PKMYT1: variants seen among roughly 807,000 people sequenced by gnomAD.
The protein encoded by PKMYT1 is protein kinase, membrane associated tyrosine/threonine 1.
Under a neutral mutation model 49.7 loss-of-function variants are expected in PKMYT1, and 35 were observed. The ratio of observed to expected loss-of-function variants is 0.70; its 90% CI spans 0.54 to 0.93. The LOEUF (loss-of-function observed/expected upper bound fraction) is 0.93, where lower values mean the gene tolerates loss of function less well. Among genes scored for constraint, PKMYT1 ranks in the 40% least tolerant of loss-of-function variants. The pLI is 0.00. For synonymous variants in PKMYT1, 331 were observed against 287.6 expected (o/e 1.15, Z -1.53); for missense variants, 677 against 673.1 (o/e 1.01, Z -0.06).
intron 2 of PKMYT1, chr16:2,977,554 A>T: frequency 8.9e-6 from 8 of 900,288 alleles, no homozygotes; most frequent in Non-Finnish European, 1.1e-5. Flanking sequence ...CCCCTGCCCC[A>T]GTGAAACAGC....
At position 2,975,491 on chromosome 16, in the gene PKMYT1, C is replaced by T. The variant is rs140937042; in HGVS notation, c.700G>A (p.Val234Ile). Residue 234 changes from valine (V) to isoleucine (I), a missense_variant, in exon 4 of 9, where the codon GTC becomes ATC. By Grantham distance (29) the Val-to-Ile change is conservative. Transcript: ENST00000262300. Reference sequence around the variant, plus strand: ...CCCAGGAAGATGTTGGCAGGCTTGACATCAAGGTGCACCAGGCCCTGGCTG... The same window carrying T: ...CCCAGGAAGATGTTGGCAGGCTTGATATCAAGGTGCACCAGGCCCTGGCTG... ...LHSQGLVHLD[V>I]KPANIFLGPR... 7 of 1,612,904 alleles carry T rather than the reference C, an allele frequency of 4.3e-6. No individual in the cohort carries two copies. The highest frequency in any genetic ancestry group is 5.1e-6 in the Non-Finnish European group (6 of 1,179,940).
At position 2,973,831 on chromosome 16, in the gene PKMYT1, C is replaced by T. The variant is rs35549757; in HGVS notation, c.1310+169G>A. 9.3e-6 allele frequency: 7 copies of T among 752,484 alleles called. No individual in the cohort carries two copies. In the African/African-American group the frequency reaches 1.2e-4, roughly 13 times the overall value. 46.6% of individuals were successfully genotyped at this position (752,484 alleles called of 1,614,324 possible). ...CTGAACGGCCAGTCCACATGCCCAG[C>T]TGCATTAAGCCTGGCCAGGCCACAC... is the stretch of plus-strand genomic sequence containing the variant. On this transcript the variant is annotated intron_variant, in intron 7 of 8. Coordinates refer to ENST00000262300, the MANE Select transcript of PKMYT1 (RefSeq NM_004203.5).
chr16:2,978,334 A>G (rs904908343), intron 2 of PKMYT1, among the ~76,000 whole-genome samples: 5 of 152,228 alleles, frequency 3.3e-5, no homozygotes, highest in Admixed American at 3.3e-4. Context: ...CAACCAGCTG[A>G]ACCATAGGCC....
chr16:2,975,870 AC>A (rs2072177271), intron 3 of PKMYT1, 58 bp from the exon 4 acceptor site: 2 of 1,531,284 alleles, frequency 1.3e-6, no homozygotes, highest in Non-Finnish European at 1.8e-6. Context: ...TGGCACAATC[AC>A]ATAGGGGGAC....
At position 2,973,024 on chromosome 16, in the gene PKMYT1, G is replaced by A. The variant is rs113683372; in HGVS notation, c.1429C>T (p.Arg477Trp). ...DLSDINSEPP[R>W]GSFPSFEPRN... ...GGCTCAAAGGAGGGGAAGGAGCCCC[G>A]AGGAGGCTCTGAGTTGATGTCACTT... The change falls in exon 9 of 9, where the codon CGG becomes TGG. Residue 477 changes from arginine to tryptophan, a missense_variant. Transcript: ENST00000262300. 64 of 1,609,618 alleles carry A rather than the reference G, an allele frequency of 4.0e-5. No individual in the cohort carries two copies. The highest frequency in any genetic ancestry group is 1.9e-4 in the South Asian group (17 of 89,674).
rs910367246 is a variant in PKMYT1 at position 2,974,428 on chromosome 16, G to C, written c.980-11C>G. On this transcript the variant is annotated splice_polypyrimidine_tract_variant and intron_variant, in intron 5 of 8. Transcript: ENST00000262300. ...GCTCGGAAGACAGACCTGCCCATGA[G>C]GAAGGGCCACATCGGGGTCCCAGAA... The C allele has an allele frequency of 1.9e-6, 3 of 1,602,666 alleles. No homozygotes were observed. In the Admixed American group the frequency reaches 5.0e-5, roughly 27 times the overall value.
In PKMYT1 at chr16:2,974,348, G is replaced by A. The variant is rs2072118048; in HGVS notation, c.1049C>T (p.Ala350Val). 6.2e-7 allele frequency: 1 copy of A among 1,609,924 alleles called. No homozygotes were observed. The highest frequency in any genetic ancestry group is 8.5e-7 in the Non-Finnish European group (1 of 1,178,804). The change falls in exon 6 of 9, where the codon GCC (alanine) becomes GTC (valine). Residue 350 changes from alanine (A) to valine (V), a missense_variant. By Grantham distance (64) the Ala-to-Val change is moderately conservative. Transcript: ENST00000262300. ...LEPDPKLRAT[A>V]EALLALPVLR... ...CACAGGCAGTGCCAGCAGGGCCTCG[G>A]CCGTGGCCCGCAGCTTGGGGTCTGG...
At chr16:2,978,473 C>T (rs138933695) in intron 2 of PKMYT1, among the ~76,000 whole-genome samples, 1,924 of 152,226 alleles carry the variant, frequency 0.013, 46 homozygotes, top group African/African-American at 0.044. Context: ...TCTGGCCAGG[C>T]ACAGTGGCTC....
chr16:2,975,826 G>A lies in PKMYT1; in HGVS notation c.379-14C>T, dbSNP rs777746683. On this transcript the variant is annotated splice_polypyrimidine_tract_variant and intron_variant, in intron 3 of 8. Coordinates refer to ENST00000262300, the MANE Select transcript of PKMYT1 (RefSeq NM_004203.5). The stretch of plus-strand genomic sequence containing the variant: ...CTTGGAGCGCACCTGGAAGGGAGGT[G>A]GTACCCACGCACACAGTGAGGGTGA... The A allele has an allele frequency of 1.9e-6, 3 of 1,577,570 alleles. No individual in the cohort carries two copies. Among genetic ancestry groups the A allele is most frequent in the South Asian group, 2.3e-5 (2 of 87,316 alleles).
chr16:2,974,365 G>A lies in PKMYT1; in HGVS notation c.1032C>T (p.Pro344=), dbSNP rs1301553783. 1.9e-6 allele frequency: 3 copies of A among 1,611,158 alleles called. No homozygotes were observed. The highest frequency in any genetic ancestry group is 3.3e-5 in the Admixed American group (2 of 59,854). The change falls in exon 6 of 9, where the codon CCC becomes CCT. Residue 344 remains proline, a synonymous_variant. Coordinates refer to ENST00000262300, the MANE Select transcript of PKMYT1 (RefSeq NM_004203.5). The part of the protein sequence containing the change: ...SVLVMMLEPD[P]KLRATAEALL... ...GGGCCTCGGCCGTGGCCCGCAGCTT[G>A]GGGTCTGGCTCCAGCATCATGACAA...
At chr16:2,977,993 G>C (rs1379049223) in intron 2 of PKMYT1, among the ~76,000 whole-genome samples, 1 of 152,182 alleles carries the variant, frequency 6.6e-6, no homozygotes, top group African/African-American at 2.4e-5. Flanking sequence ...TGGAGCCCCA[G>C]CTCATTTGTA....
intron 2 of PKMYT1, among the ~76,000 whole-genome samples, chr16:2,978,794 G>A (rs917079586): frequency 2.0e-5 from 3 of 148,166 alleles, no homozygotes; most frequent in African/African-American, 7.5e-5. Context: ...AACACTTTAT[G>A]CCCCAAGGTA....
rs542057586 is a variant in PKMYT1, at chr16:2,977,156, C to T, written c.11-125G>A. 1.0e-5 allele frequency: 15 copies of T among 1,498,692 alleles called. No individual in the cohort carries two copies. In the East Asian group the frequency reaches 1.2e-4, roughly 12 times the overall value. 92.8% of individuals were successfully genotyped at this position (1,498,692 alleles called of 1,614,324 possible). Reference sequence around the variant, plus strand: ...TACCACACACTTATTCTACTTTAAACGGCAATGGGAGCAATAAGCACCTAC... The same window carrying T: ...TACCACACACTTATTCTACTTTAAATGGCAATGGGAGCAATAAGCACCTAC... On this transcript the variant is annotated intron_variant, in intron 2 of 8. Coordinates refer to ENST00000262300, the MANE Select transcript of PKMYT1 (RefSeq NM_004203.5).
At chr16:2,975,287 C>T in intron 4 of PKMYT1, 32 bp downstream of exon 4, 1 of 1,568,204 alleles carries the variant, frequency 6.4e-7, no homozygotes, top group African/African-American at 1.4e-5. Context: ...CTCCCACAGC[C>T]TGCCAAACAC....
chr16:2,972,858 G>A lies in PKMYT1; in HGVS notation c.*95C>T. 3 of 1,534,790 alleles carry A rather than the reference G, an allele frequency of 2.0e-6. No homozygotes were observed. Among genetic ancestry groups the A allele is most frequent in the Middle Eastern group, 1.8e-4 (1 of 5,536 alleles). On this transcript the variant is annotated 3_prime_UTR_variant, in exon 9 of 9. Coordinates refer to ENST00000262300, the MANE Select transcript of PKMYT1 (RefSeq NM_004203.5). ...TTTTTATTAGACACGGCCAGGCAGA[G>A]AAGACCATGGGAGTTCCCGAGGGGC...
chr16:2,979,597 G>A (rs1016184912), intron 2 of PKMYT1, 51 bp downstream of exon 2: 22 of 1,446,500 alleles, frequency 1.5e-5, no homozygotes, highest in Non-Finnish European at 2.0e-5. Context: ...CGGGGACCTG[G>A]GCCTGTGCAT....
At position 2,975,511 on chromosome 16, in the gene PKMYT1, T is replaced by A. The variant is rs113508225; in HGVS notation, c.680A>T (p.Gln227Leu). ...CTTGACATCAAGGTGCACCAGGCCC[T>A]GGCTGTGCAGATGGGCCAGGGCAAG... is the stretch of plus-strand genomic sequence containing the variant. ...TLLALAHLHS[Q>L]GLVHLDVKPA... The change falls in exon 4 of 9, where the codon CAG becomes CTG. Residue 227 changes from glutamine to leucine, a missense_variant. By Grantham distance (113) the Gln-to-Leu change is moderately radical. Coordinates refer to ENST00000262300, the MANE Select transcript of PKMYT1 (RefSeq NM_004203.5). 9.3e-6 allele frequency: 15 copies of A among 1,612,708 alleles called. No homozygotes were observed. Among genetic ancestry groups the A allele is most frequent in the African/African-American group, 6.7e-5 (5 of 75,060 alleles).
At chr16:2,978,172 G>T (rs1407090491) in intron 2 of PKMYT1, among the ~76,000 whole-genome samples, 1 of 152,210 alleles carries the variant, frequency 6.6e-6, no homozygotes, top group Admixed American at 6.5e-5. Flanking sequence ...GTAGACGTAG[G>T]TCATAAATAG....
At position 2,972,809 on chromosome 16, in the gene PKMYT1, T is replaced by C; in HGVS notation, c.*144A>G. 6.5e-7 allele frequency: 1 copy of C among 1,539,310 alleles called. No homozygotes were observed. On this transcript the variant is annotated 3_prime_UTR_variant, in exon 9 of 9. Coordinates refer to ENST00000262300, the MANE Select transcript of PKMYT1 (RefSeq NM_004203.5). ...GGCCATGTTGCCACATGAGCAAGCT[T>C]GGGTGCTCCCAAGGTTCAAATACTT... is the stretch of plus-strand genomic sequence containing the variant.
Sources: gnomAD v4.1 joint callset for allele counts (sites outside exome capture counted in the v4.1 genomes callset) on GRCh38, gnomAD v4.1.1 for gene constraint, MANE v1.5 for transcripts, NCBI Gene and HGNC (gene_info 2026-07-23, HGNC 2026-07-21) for gene names.